Variants in ACMSD observed in about 807,000 individuals in gnomAD.
ACMSD encodes the protein 2-amino-3-carboxymuconate-6-semialdehyde decarboxylase.
Under a neutral mutation model 45.9 loss-of-function variants are expected in ACMSD, and 37 were observed. The observed-to-expected ratio is 0.81, with a 90% CI of 0.62 to 1.06. The LOEUF is 1.06. Ranked by LOEUF, ACMSD falls within the 50% of genes least tolerant of loss-of-function variation. The pLI is 0.00. For missense variants in ACMSD, 434 were observed against 420.9 expected, an observed-to-expected ratio of 1.03 and a Z score of -0.27; for synonymous variants, 138 against 148.8, an observed-to-expected ratio of 0.93 and a Z score of 0.53.
chr2:134,859,202 GA>G, intron 2 of ACMSD, 58 bp from the exon 3 acceptor site: 3 of 1,377,440 alleles, frequency 2.2e-6, no homozygotes, highest in Non-Finnish European at 2.1e-6. Flanking sequence ...AGCACATGAG[GA>G]AAGATTAGTC....
At chr2:134,863,923 C>G (rs1206463592) in intron 5 of ACMSD, among the ~76,000 whole-genome samples, 4 of 152,090 alleles carry the variant, frequency 2.6e-5, no homozygotes, top group Non-Finnish European at 5.9e-5. Flanking sequence ...AGACAAAATA[C>G]CCTCTTTACA....
chr2:134,850,935 C>A (rs1378084568), intron 2 of ACMSD, among the ~76,000 whole-genome samples: 1 of 152,134 alleles, frequency 6.6e-6, no homozygotes, highest in Non-Finnish European at 1.5e-5. Flanking sequence ...GTTTCTCAGG[C>A]CTTGTCTCCT....
chr2:134,865,648 A>G (rs984755241), intron 5 of ACMSD, among the ~76,000 whole-genome samples: 5 of 152,222 alleles, frequency 3.3e-5, no homozygotes, highest in African/African-American at 1.2e-4. Flanking sequence ...GTTTGCGTCA[A>G]TAATGTGCTG....
intron 2 of ACMSD, among the ~76,000 whole-genome samples, chr2:134,845,550 TCTCTCC>T (rs1687015592): frequency 7.2e-6 from 1 of 139,006 alleles, no homozygotes; most frequent in South Asian, 2.4e-4. Flanking sequence ...TCTCTCTCTC[TCTCTCC>T]CCTCTCCCCA....
chr2:134,885,235 T>G (rs1424349871), intron 8 of ACMSD, among the ~76,000 whole-genome samples: 13 of 120,464 alleles, frequency 1.1e-4, no homozygotes, highest in Non-Finnish European at 1.9e-4. Context: ...ATAATACATA[T>G]GTAAATATAT....
chr2:134,890,667 A>C (rs1689729028), intron 8 of ACMSD, among the ~76,000 whole-genome samples: 1 of 152,024 alleles, frequency 6.6e-6, no homozygotes, highest in African/African-American at 2.4e-5. Flanking sequence ...TTTAGGAGTA[A>C]GGAGCCATGA....
At chr2:134,891,364 T>A (rs746512174) in intron 8 of ACMSD, among the ~76,000 whole-genome samples, 21 of 152,212 alleles carry the variant, frequency 1.4e-4, no homozygotes, top group Admixed American at 1.0e-3. Context: ...GCAATCCAAT[T>A]TTCTCATTTA....
At chr2:134,846,847 A>C (rs190322906) in intron 2 of ACMSD, among the ~76,000 whole-genome samples, 1 of 152,360 alleles carries the variant, frequency 6.6e-6, no homozygotes, top group East Asian at 1.9e-4. Context: ...GTCACAAGTC[A>C]ACATGATCAA....
chr2:134,899,411 T>C (rs1690368894), intron 9 of ACMSD, among the ~76,000 whole-genome samples: 1 of 152,132 alleles, frequency 6.6e-6, no homozygotes, highest in South Asian at 2.1e-4. Flanking sequence ...AAATATTACC[T>C]ACTAAATATT....
intron 8 of ACMSD, among the ~76,000 whole-genome samples, chr2:134,896,863 T>A (rs1428004644): frequency 4.6e-5 from 7 of 152,094 alleles, no homozygotes; most frequent in Non-Finnish European, 1.0e-4. Context: ...GGCTACATAT[T>A]ATGTGATTCC....
At chr2:134,894,912 T>A (rs1690007053) in intron 8 of ACMSD, among the ~76,000 whole-genome samples, 1 of 152,196 alleles carries the variant, frequency 6.6e-6, no homozygotes, top group Admixed American at 6.5e-5. Flanking sequence ...AAATAAAAAA[T>A]TAATTGTATT....
intron 8 of ACMSD, among the ~76,000 whole-genome samples, chr2:134,885,356 ATTTACATATAT>A (rs1559065104): frequency 1.1e-4 from 12 of 106,988 alleles, no homozygotes; most frequent in Non-Finnish European, 2.1e-4. Flanking sequence ...TATAATATAT[ATTTACATATAT>A]ATTATATATA....
At chr2:134,895,358 A>AAT (rs527577846) in intron 8 of ACMSD, among the ~76,000 whole-genome samples, 1,682 of 144,998 alleles carry the variant, frequency 0.012, 25 homozygotes, top group African/African-American at 0.036. Context: ...TAACATATAT[A>AAT]ATATATATAT....
chr2:134,897,538 G>A (rs1046685435), intron 8 of ACMSD, among the ~76,000 whole-genome samples: 1 of 151,984 alleles, frequency 6.6e-6, no homozygotes, highest in African/African-American at 2.4e-5. Context: ...TGTATGAGTG[G>A]AATACATTTT....
rs576297245 is a variant in ACMSD at position 134,863,704 on chromosome 2, G to A, written c.486+73G>A. On this transcript the variant is annotated intron_variant, in intron 5 of 9. Coordinates refer to ENST00000356140, the MANE Select transcript of ACMSD (RefSeq NM_138326.3). Reference sequence around the variant, plus strand: ...CCGGGGGCACCGCTGGGTGCTGGCAGGGAGGAGGTGAAGCGTCACCCCACT... The same window carrying A: ...CCGGGGGCACCGCTGGGTGCTGGCAAGGAGGAGGTGAAGCGTCACCCCACT... 116 of 1,496,726 alleles carry A rather than the reference G, an allele frequency of 7.8e-5. No individual in the cohort carries two copies. In the African/African-American group the frequency reaches 1.4e-3, roughly 18 times the overall value. 92.7% of individuals were successfully genotyped at this position (1,496,726 alleles called of 1,614,324 possible).
In ACMSD at chr2:134,901,842, G is replaced by A. The variant is rs1273160713; in HGVS notation, c.993G>A (p.Glu331=). 6.3e-7 allele frequency: 1 copy of A among 1,599,864 alleles called. No individual in the cohort carries two copies. Among genetic ancestry groups the A allele is most frequent in the Non-Finnish European group, 8.5e-7 (1 of 1,171,118 alleles). ...ATGCCCTGGCATTTTTGGGTCTTGA[G>A]AGAAAACAATTTGAATGACTGAATT... ...AGNALAFLGL[E]RKQFE is the part of the protein sequence containing the mutation. Residue 331 remains glutamate, a synonymous_variant, in exon 10 of 10, where the codon GAG becomes GAA. Transcript: ENST00000356140.
chr2:134,875,581 G>T lies in ACMSD; in HGVS notation c.849+2940G>T, dbSNP rs116607345. On this transcript the variant is annotated intron_variant, in intron 8 of 9. Coordinates refer to ENST00000356140, the MANE Select transcript of ACMSD (RefSeq NM_138326.3). ...CTTTTGCTTTTAAATTCTTTGCTTTGATTTTTAAAGACGGATACAAAGAAT... is the reference window on the plus strand; with the variant it reads ...CTTTTGCTTTTAAATTCTTTGCTTTTATTTTTAAAGACGGATACAAAGAAT... Among the ~76,000 whole-genome samples, 1,379 of 152,194 alleles carry T rather than the reference G, an allele frequency of 9.1e-3. 22 individuals are homozygous for T. Among genetic ancestry groups the T allele is most frequent in the African/African-American group, 0.032 (1,336 of 41,520 alleles).
rs539416140 is a variant in ACMSD at position 134,897,885 on chromosome 2, GT to G, written c.850-443del. Among the ~76,000 whole-genome samples, 223 of 133,072 alleles carry G rather than the reference GT, an allele frequency of 1.7e-3. 1 individual carries two copies. Among genetic ancestry groups the G allele is most frequent in the African/African-American group, 4.3e-3 (163 of 37,546 alleles). The allele number at this position is 133,072 out of a possible 152,430, so 87.3% of individuals were successfully genotyped here. A position where few individuals can be genotyped will look rare whatever the true frequency, so the allele number is the denominator to read the frequency against. On this transcript the variant is annotated intron_variant, in intron 8 of 9. Transcript: ENST00000356140. The stretch of plus-strand genomic sequence containing the variant: ...TTTTCTATTTTTTGTTTTTGTTTTT[GT>G]TTTTTTTTTTTTACTTTTTATCGAG...
intron 2 of ACMSD, among the ~76,000 whole-genome samples, chr2:134,854,635 T>C (rs1464361688): frequency 6.6e-6 from 1 of 152,220 alleles, no homozygotes; most frequent in Non-Finnish European, 1.5e-5. Context: ...GGTGGGTGCA[T>C]ATAATTGGCA....
Sources: allele counts gnomAD v4.1 joint callset (sites outside exome capture counted in the v4.1 genomes callset), GRCh38; gene constraint gnomAD v4.1.1; transcripts MANE v1.5; gene names NCBI Gene and HGNC (gene_info 2026-07-23, HGNC 2026-07-21).